Variants in TRAF5 observed in about 807,000 individuals in gnomAD.
TRAF5 encodes the protein TNF receptor associated factor 5, also known as TNF receptor-associated factor 5.
TRAF5 carries 48 observed loss-of-function variants against 64.5 expected under a neutral mutation model. That is an observed-to-expected ratio of 0.74 (90% CI 0.59 to 0.95). The LOEUF is 0.95. Ranked by LOEUF, TRAF5 falls within the 40% of genes least tolerant of loss-of-function variation. The pLI, the probability that TRAF5 is intolerant of heterozygous loss-of-function variation, is 0.00. For missense variants in TRAF5, 545 were observed against 662.8 expected (o/e 0.82, Z 1.95); for synonymous variants, 206 against 240.5 (o/e 0.86, Z 1.33).
At chr1:211,327,117 C>T (rs1166799890) in intron 1 of TRAF5, among the ~76,000 whole-genome samples, 1 of 152,036 alleles carries the variant, frequency 6.6e-6, no homozygotes, top group Admixed American at 6.5e-5. Context: ...CGCCGACGGC[C>T]CGGGGACAGC....
chr1:211,365,010 T>C (rs182621948), intron 7 of TRAF5, among the ~76,000 whole-genome samples: 1 of 152,010 alleles, frequency 6.6e-6, no homozygotes, highest in Non-Finnish European at 1.5e-5. Flanking sequence ...CTGTCTCTAC[T>C]AAAAATACAA....
chr1:211,345,892 T>G (rs562410553), intron 1 of TRAF5, among the ~76,000 whole-genome samples: 5 of 152,202 alleles, frequency 3.3e-5, no homozygotes, highest in African/African-American at 9.6e-5. Flanking sequence ...TCTCATTGGC[T>G]GAACCTAACC....
chr1:211,340,602 G>A (rs1054714059), intron 1 of TRAF5, among the ~76,000 whole-genome samples: 2 of 152,234 alleles, frequency 1.3e-5, no homozygotes, highest in Admixed American at 6.5e-5. Context: ...GAGGGAAACT[G>A]AGGCAGGGCT....
At chr1:211,334,580 C>A (rs1702242150) in intron 1 of TRAF5, among the ~76,000 whole-genome samples, 1 of 152,172 alleles carries the variant, frequency 6.6e-6, no homozygotes, top group Admixed American at 6.5e-5. Flanking sequence ...ATCACTTGAA[C>A]CCAGGAGGCG....
chr1:211,351,272 T>C (rs1050624624), intron 1 of TRAF5, among the ~76,000 whole-genome samples: 1 of 151,940 alleles, frequency 6.6e-6, no homozygotes, highest in African/African-American at 2.4e-5. Context: ...ATGATCCGCC[T>C]GCCTCAGCCT....
intron 1 of TRAF5, among the ~76,000 whole-genome samples, chr1:211,349,274 A>G (rs1282090322): frequency 1.3e-5 from 2 of 152,150 alleles, no homozygotes; most frequent in African/African-American, 2.4e-5. Context: ...AATACCTCAG[A>G]CTGGGTAATT....
At chr1:211,339,015 C>G (rs2102719376) in intron 1 of TRAF5, among the ~76,000 whole-genome samples, 1 of 152,298 alleles carries the variant, frequency 6.6e-6, no homozygotes, top group South Asian at 2.1e-4. Context: ...ATCAAGCCCT[C>G]CTGTTTGGTG....
chr1:211,335,029 G>A (rs1359420202), intron 1 of TRAF5, among the ~76,000 whole-genome samples: 3 of 152,164 alleles, frequency 2.0e-5, no homozygotes, highest in Non-Finnish European at 4.4e-5. Context: ...TGGGAAAAGA[G>A]GAATTGTAAT....
At chr1:211,362,875 AG>A (rs79754919) in intron 7 of TRAF5, among the ~76,000 whole-genome samples, 94 of 151,764 alleles carry the variant, frequency 6.2e-4, no homozygotes, top group African/African-American at 2.1e-3. Flanking sequence ...GACAAAAAAA[AG>A]GGGGGGGCTA....
At chr1:211,335,455 A>G (rs1281524936) in intron 1 of TRAF5, among the ~76,000 whole-genome samples, 1 of 152,204 alleles carries the variant, frequency 6.6e-6, no homozygotes, top group Admixed American at 6.5e-5. Flanking sequence ...CACCTTGAAA[A>G]ATATAAGACA....
chr1:211,353,286 G>A lies in TRAF5; in HGVS notation c.47G>A (p.Arg16His), dbSNP rs377497907. 8.0e-5 allele frequency: 129 copies of A among 1,614,090 alleles called. No homozygotes were observed. The highest frequency in any genetic ancestry group is 1.8e-4 in the East Asian group (8 of 44,900). The part of the protein sequence containing the change: ...EHKGMPCGFI[R>H]QNSGNSISLD... Reference sequence around the variant, plus strand: ...AAAGGTATGCCCTGTGGTTTCATCCGCCAGAATTCCGGCAACTCCATTTCC... The same window carrying A: ...AAAGGTATGCCCTGTGGTTTCATCCACCAGAATTCCGGCAACTCCATTTCC... Residue 16 changes from arginine (R) to histidine (H), a missense_variant, in exon 2 of 11, where the codon CGC becomes CAC. Arg to His is a conservative substitution (Grantham distance 29, BLOSUM62 0). Coordinates refer to ENST00000261464, the MANE Select transcript of TRAF5 (RefSeq NM_001033910.3).
chr1:211,326,805 C>G, upstream of TRAF5: 1 of 984,136 alleles, frequency 1.0e-6, no homozygotes, highest in South Asian at 4.5e-5. The surrounding 1 kb of genome is among the most constrained non-coding windows in gnomAD (Gnocchi z 5.0). Flanking sequence ...GCCTCGCCTC[C>G]GCTTCGCCGC....
At chr1:211,367,254 TTTTC>T (rs1380697530) in intron 8 of TRAF5, among the ~76,000 whole-genome samples, 1 of 152,138 alleles carries the variant, frequency 6.6e-6, no homozygotes, top group East Asian at 1.9e-4. Flanking sequence ...GTTTGTTTGT[TTTTC>T]TTTTTTAAAG....
At chr1:211,360,660 T>A in intron 5 of TRAF5, 42 bp from the exon 6 acceptor site, 1 of 1,530,848 alleles carries the variant, frequency 6.5e-7, no homozygotes, top group Non-Finnish European at 9.1e-7. Context: ...TGTGAGGCCA[T>A]GAAAGACAAC....
At chr1:211,351,184 G>A (rs1413594148) in intron 1 of TRAF5, among the ~76,000 whole-genome samples, 2 of 152,002 alleles carry the variant, frequency 1.3e-5, no homozygotes, top group African/African-American at 4.8e-5. Context: ...CTGCCACCAC[G>A]CCTGGCTAAT....
rs181400327 is a variant in TRAF5, at chr1:211,336,657, T to C, written c.-2+9768T>C. ...TGTCATGTGCACTGTTTTGTTTGTCTGTTTGTTTTTGTTCTGTTTTGAGAC... is the reference window on the plus strand; with the variant it reads ...TGTCATGTGCACTGTTTTGTTTGTCCGTTTGTTTTTGTTCTGTTTTGAGAC... On this transcript the variant is annotated intron_variant, in intron 1 of 10. Transcript: ENST00000261464. Among the ~76,000 whole-genome samples the C allele has an allele frequency of 3.0e-3, 462 of 152,300 alleles. 4 individuals are homozygous for C. The highest frequency in any genetic ancestry group is 4.9e-3 in the Non-Finnish European group (333 of 68,026).
intron 8 of TRAF5, among the ~76,000 whole-genome samples, chr1:211,365,718 G>A (rs1703331412): frequency 6.6e-6 from 1 of 152,152 alleles, no homozygotes; most frequent in South Asian, 2.1e-4. Context: ...ATTTTTATAT[G>A]TTTTAATCGT....
intron 10 of TRAF5, among the ~76,000 whole-genome samples, chr1:211,371,885 C>T (rs1349506217): frequency 6.6e-6 from 1 of 152,188 alleles, no homozygotes; most frequent in Non-Finnish European, 1.5e-5. Flanking sequence ...TAGTTGAATG[C>T]TCAGTGTGTC....
At chr1:211,338,207 A>T (rs1424312906) in intron 1 of TRAF5, among the ~76,000 whole-genome samples, 2 of 152,158 alleles carry the variant, frequency 1.3e-5, no homozygotes, top group Admixed American at 1.3e-4. Context: ...CATGATACTG[A>T]AGTGTATTAA....
Sources: gnomAD v4.1 joint callset for allele counts (sites outside exome capture counted in the v4.1 genomes callset) on GRCh38, gnomAD v4.1.1 for gene constraint, Gnocchi (gnomAD v3.1) non-coding constraint, MANE v1.5 for transcripts, NCBI Gene and HGNC (gene_info 2026-07-23, HGNC 2026-07-21) for gene names.